Variants in POLQ observed in about 807,000 individuals in gnomAD.
POLQ encodes the protein DNA polymerase theta.
POLQ carries 233 observed loss-of-function variants against 259.2 expected under a neutral mutation model. That is an observed-to-expected ratio of 0.90 (90% confidence interval 0.81 to 1.00). POLQ has a LOEUF of 1.00. Ranked by LOEUF, POLQ falls within the 50% of genes least tolerant of loss-of-function variation. The pLI is 0.00. For synonymous variants in POLQ, 1,025 were observed against 1,048.8 expected, an observed-to-expected ratio of 0.98 and a Z score of 0.44; for missense variants, 2,871 against 3,051.6, an observed-to-expected ratio of 0.94 and a Z score of 1.39.
At chr3:121,470,988 C>G (rs560200821) in intron 22 of POLQ, among the ~76,000 whole-genome samples, 1 of 152,242 alleles carries the variant, frequency 6.6e-6, no homozygotes, top group East Asian at 1.9e-4. Context: ...GGTTAAGTAT[C>G]TTGTCTAAAG....
At chr3:121,450,138 T>C (rs1482175248) in intron 25 of POLQ, among the ~76,000 whole-genome samples, 2 of 152,202 alleles carry the variant, frequency 1.3e-5, no homozygotes, top group Non-Finnish European at 2.9e-5. Context: ...ATCTACAAAA[T>C]GAAGACAGTA....
Position 121,483,498 on chromosome 3 carries a change from C to A in POLQ, c.5858G>T (p.Arg1953Leu), listed in dbSNP as rs3218637. ...AGAACATTCTTTATCAGATTCCTTT[C>A]GCAAGCAAGATTGAAGGTACCACAT... ...DRMWYLQSCL[R>L]KESDKECSVV... The change falls in exon 18 of 30, where the codon CGA (arginine) becomes CTA (leucine). Residue 1953 changes from arginine to leucine, a missense_variant. Coordinates refer to ENST00000264233, the MANE Select transcript of POLQ (RefSeq NM_199420.4). 3 of 1,608,452 alleles carry A rather than the reference C, an allele frequency of 1.9e-6. No individual in the cohort carries two copies. The highest frequency in any genetic ancestry group is 3.4e-5 in the Admixed American group (2 of 59,070).
chr3:121,468,468 A>G, intron 22 of POLQ, 37 bp from the exon 23 acceptor site: 1 of 1,505,690 alleles, frequency 6.6e-7, no homozygotes, highest in Non-Finnish European at 9.2e-7. Context: ...AAATCAGGAA[A>G]AAAAATCTAG....
At position 121,522,153 on chromosome 3, in the gene POLQ, T is replaced by C; in HGVS notation, c.1109-4A>G. 1 of 1,590,524 alleles carries C rather than the reference T, an allele frequency of 6.3e-7. No individual in the cohort carries two copies. The highest frequency in any genetic ancestry group is 8.5e-7 in the Non-Finnish European group (1 of 1,173,194). ...CATTCAGAGGGTTTCACCAATCCTG[T>C]CACAAAAAAATTATCAACACCATTT... On this transcript the variant is annotated splice_region_variant and splice_polypyrimidine_tract_variant and intron_variant, in intron 7 of 29. Coordinates refer to ENST00000264233, the MANE Select transcript of POLQ (RefSeq NM_199420.4).
chr3:121,453,403 G>A (rs1214325619), intron 25 of POLQ, among the ~76,000 whole-genome samples: 11 of 150,544 alleles, frequency 7.3e-5, no homozygotes, highest in Admixed American at 2.6e-4. Flanking sequence ...TGACTTTGAC[G>A]AGTTGAGAGA....
intron 14 of POLQ, among the ~76,000 whole-genome samples, chr3:121,496,308 T>G (rs2048123622): frequency 6.6e-6 from 1 of 151,722 alleles, no homozygotes; most frequent in South Asian, 2.1e-4. Flanking sequence ...CCCCAGTAGC[T>G]GGGATTATAA....
At chr3:121,514,342 C>G (rs922548988) in intron 9 of POLQ, among the ~76,000 whole-genome samples, 2 of 87,042 alleles carry the variant, frequency 2.3e-5, no homozygotes, top group African/African-American at 8.9e-5. Flanking sequence ...AAAAAAAAAA[C>G]AACAACAACA....
Position 121,483,531 on chromosome 3 carries a change from T to C in POLQ, c.5825A>G (p.Lys1942Arg). Residue 1942 changes from lysine to arginine, a missense_variant, in exon 18 of 30, where the codon AAA becomes AGA. Transcript: ENST00000264233. ...PPSLDPSLTL[K>R]DRMWYLQSCL... ...AGATTGAAGGTACCACATCCTGTCT[T>C]TCAAAGTCAGGCTTGGATCTAAAGA... The C allele has an allele frequency of 6.3e-7, 1 of 1,595,644 alleles. No individual in the cohort carries two copies. Among genetic ancestry groups the C allele is most frequent in the Non-Finnish European group, 8.5e-7 (1 of 1,173,530 alleles).
Position 121,468,428 on chromosome 3 carries a change from C to G in POLQ, c.6722G>C (p.Arg2241Pro). 6.2e-7 allele frequency: 1 copy of G among 1,606,198 alleles called. No homozygotes were observed. The highest frequency in any genetic ancestry group is 8.5e-7 in the Non-Finnish European group (1 of 1,174,310). Residue 2241 changes from arginine (R) to proline (P), a missense_variant, in exon 23 of 30, where the codon CGA becomes CCA. Arg to Pro is a moderately radical substitution (Grantham distance 103, BLOSUM62 -2). Transcript: ENST00000264233. ...AATATTTGGTTCTGTAAAGGTTATTCGTCCTAAAATCAAGCAGAATAAAGA... is the reference window on the plus strand; with the variant it reads ...AATATTTGGTTCTGTAAAGGTTATTGGTCCTAAAATCAAGCAGAATAAAGA... The part of the protein sequence containing the change: ...PVSQSHTATG[R>P]ITFTEPNIQN...
chr3:121,445,662 T>C (rs1220571945), intron 26 of POLQ, among the ~76,000 whole-genome samples: 1 of 152,060 alleles, frequency 6.6e-6, no homozygotes, highest in Non-Finnish European at 1.5e-5. Flanking sequence ...CAGGAGTTCA[T>C]GACCAACCTG....
intron 7 of POLQ, among the ~76,000 whole-genome samples, chr3:121,529,429 G>C (rs1022410150): frequency 1.3e-5 from 2 of 152,164 alleles, no homozygotes; most frequent in African/African-American, 4.8e-5. Flanking sequence ...AAAATCTAAA[G>C]CTGATTAGTC....
chr3:121,459,155 C>A (rs1175041171), intron 25 of POLQ, among the ~76,000 whole-genome samples: 1 of 152,082 alleles, frequency 6.6e-6, no homozygotes, highest in East Asian at 1.9e-4. Flanking sequence ...TTCAAAGTTA[C>A]AAAGGCAGCA....
At chr3:121,455,736 T>A (rs944498159) in intron 25 of POLQ, among the ~76,000 whole-genome samples, 7 of 152,190 alleles carry the variant, frequency 4.6e-5, no homozygotes, top group African/African-American at 1.4e-4. Flanking sequence ...ATTGTGGCAA[T>A]AATCAATAGC....
At chr3:121,443,807 T>C (rs1180001980) in intron 26 of POLQ, among the ~76,000 whole-genome samples, 1 of 152,222 alleles carries the variant, frequency 6.6e-6, no homozygotes, top group Non-Finnish European at 1.5e-5. Flanking sequence ...TTCTTCTGCA[T>C]ATTCAGTTGT....
At chr3:121,451,266 C>A (rs1474424428) in intron 25 of POLQ, among the ~76,000 whole-genome samples, 2 of 152,212 alleles carry the variant, frequency 1.3e-5, no homozygotes, top group Non-Finnish European at 2.9e-5. Context: ...GTTTGATTGT[C>A]TGAGGCCGCC....
At chr3:121,451,198 T>A (rs903120138) in intron 25 of POLQ, among the ~76,000 whole-genome samples, 1 of 152,164 alleles carries the variant, frequency 6.6e-6, no homozygotes, top group Admixed American at 6.6e-5. Context: ...TCTAATCTTT[T>A]TTCAAGGTTT....
chr3:121,439,852 C>T, intron 27 of POLQ, 140 bp downstream of exon 27: 1 of 717,544 alleles, frequency 1.4e-6, no homozygotes, highest in Non-Finnish European at 2.3e-6. Flanking sequence ...TTAATGAAAC[C>T]AATGGTTGAC....
chr3:121,460,970 G>A lies in POLQ; in HGVS notation c.6968-736C>T, dbSNP rs377159318. ...CCTTTCATAAGAAGAGTTGTTACTT[G>A]TGGAGGAAAAGACAAACTATAAATA... On this transcript the variant is annotated intron_variant, in intron 24 of 29. Coordinates refer to ENST00000264233, the MANE Select transcript of POLQ (RefSeq NM_199420.4). Among the ~76,000 whole-genome samples the A allele has an allele frequency of 3.6e-3, 553 of 152,300 alleles. 31 individuals carry two copies. In the South Asian group the frequency reaches 0.099, roughly 27 times the overall value.
rs2048490472 is a variant in POLQ, at chr3:121,541,579, G to A, written c.344-100C>T. 3.8e-6 allele frequency: 4 copies of A among 1,053,190 alleles called. No homozygotes were observed. The South Asian group carries it at 5.2e-5, about 14-fold the overall frequency. 65.2% of individuals were successfully genotyped at this position (1,053,190 alleles called of 1,614,324 possible). On this transcript the variant is annotated intron_variant, in intron 2 of 29. Coordinates refer to ENST00000264233, the MANE Select transcript of POLQ (RefSeq NM_199420.4). ...CCATGTGTAGTACTACAGAGCCTAA[G>A]GCTAACCAATCACTAAGGGCCCAAT...
Sources: gnomAD v4.1 joint callset for allele counts (sites outside exome capture counted in the v4.1 genomes callset) on GRCh38, gnomAD v4.1.1 for gene constraint, MANE v1.5 for transcripts, NCBI Gene and HGNC (gene_info 2026-07-23, HGNC 2026-07-21) for gene names.